Variants in FHIT observed in about 807,000 individuals in gnomAD.
FHIT encodes the protein bis(5'-adenosyl)-triphosphatase.
FHIT carries 19 observed loss-of-function variants against 17.9 expected under a neutral mutation model. The ratio of observed to expected loss-of-function variants is 1.06; its 90% confidence interval spans 0.74 to 1.56. The LOEUF is 1.56. FHIT is among the 40% of genes most tolerant of loss of function. The probability of loss-of-function intolerance (pLI) is 0.00; values close to 1 mark genes in which losing one functional copy is unlikely to be tolerated. For missense variants in FHIT, 248 were observed against 189.2 expected, an observed-to-expected ratio of 1.31 and a Z score of -1.82; for synonymous variants, 81 against 69.7, an observed-to-expected ratio of 1.16 and a Z score of -0.81.
At chr3:60,810,349 T>A (rs1391504447) in intron 4 of FHIT, among the ~76,000 whole-genome samples, 1 of 152,180 alleles carries the variant, frequency 6.6e-6, no homozygotes, top group Non-Finnish European at 1.5e-5. Flanking sequence ...AAAAGCAAAC[T>A]GAAATATTAA....
intron 7 of FHIT, among the ~76,000 whole-genome samples, chr3:59,992,321 T>G (rs1370887258): frequency 6.6e-6 from 1 of 152,048 alleles, no homozygotes; most frequent in Non-Finnish European, 1.5e-5. Context: ...CGTAGTACAT[T>G]TAAGAATTAC....
intron 5 of FHIT, among the ~76,000 whole-genome samples, chr3:60,165,670 A>G (rs1424543539): frequency 6.6e-6 from 1 of 152,200 alleles, no homozygotes; most frequent in Non-Finnish European, 1.5e-5. Context: ...AGCAAAGGGA[A>G]AAAGTACACC....
intron 5 of FHIT, among the ~76,000 whole-genome samples, chr3:60,169,132 C>A (rs1418893620): frequency 1.3e-5 from 2 of 152,188 alleles, no homozygotes; most frequent in Non-Finnish European, 2.9e-5. Context: ...AAAGACTGCT[C>A]AAAATTGTGT....
At chr3:61,161,319 A>G (rs527375523) in intron 2 of FHIT, among the ~76,000 whole-genome samples, 1 of 151,916 alleles carries the variant, frequency 6.6e-6, no homozygotes, top group South Asian at 2.1e-4. Flanking sequence ...CTCTTGCCTC[A>G]GCCTCCCAGG....
chr3:61,107,894 T>G (rs1186859221), intron 2 of FHIT, among the ~76,000 whole-genome samples: 1 of 152,200 alleles, frequency 6.6e-6, no homozygotes, highest in African/African-American at 2.4e-5. Flanking sequence ...GTTCAAACAG[T>G]TGGCTACATT....
At chr3:60,273,611 C>G (rs1706976508) in intron 5 of FHIT, among the ~76,000 whole-genome samples, 1 of 150,666 alleles carries the variant, frequency 6.6e-6, no homozygotes, top group African/African-American at 2.4e-5. Context: ...TCCGTCGTCT[C>G]AAAAAAAAGA....
At chr3:60,637,725 G>C (rs1210272686) in intron 4 of FHIT, among the ~76,000 whole-genome samples, 2 of 152,140 alleles carry the variant, frequency 1.3e-5, no homozygotes, top group Admixed American at 1.3e-4. Flanking sequence ...GTAAAAAATT[G>C]AATTAGGTTA....
chr3:60,949,946 C>T (rs1378003834), intron 3 of FHIT, among the ~76,000 whole-genome samples: 1 of 152,158 alleles, frequency 6.6e-6, no homozygotes, highest in East Asian at 1.9e-4. Flanking sequence ...GGAATACAGT[C>T]ATGCATCACA....
chr3:59,790,527 T>C (rs971038435), intron 8 of FHIT, among the ~76,000 whole-genome samples: 2 of 88,358 alleles, frequency 2.3e-5, no homozygotes, highest in Non-Finnish European at 4.6e-5. Flanking sequence ...TCTCTCTCTC[T>C]CTGTGTGTGT....
chr3:60,159,083 AT>A (rs948784912), intron 5 of FHIT, among the ~76,000 whole-genome samples: 13 of 151,246 alleles, frequency 8.6e-5, no homozygotes, highest in Non-Finnish European at 1.0e-4. Context: ...TTTTCTAATC[AT>A]CCCCCACCAT....
chr3:60,358,356 G>C (rs1327558700), intron 5 of FHIT, among the ~76,000 whole-genome samples: 2 of 152,032 alleles, frequency 1.3e-5, no homozygotes, highest in African/African-American at 4.8e-5. Context: ...TAGGTTCTGT[G>C]AACTTGCCAT....
chr3:60,991,906 C>T (rs576977210), intron 3 of FHIT, among the ~76,000 whole-genome samples: 102 of 152,246 alleles, frequency 6.7e-4, no homozygotes, highest in African/African-American at 2.4e-3. Flanking sequence ...TTATGGGAGA[C>T]AGGATGGAGG....
intron 5 of FHIT, among the ~76,000 whole-genome samples, chr3:60,293,469 C>CTT (rs776210189): frequency 3.3e-5 from 5 of 152,126 alleles, no homozygotes; most frequent in Non-Finnish European, 7.4e-5. Flanking sequence ...TAAGCGTATA[C>CTT]TTTATCGACC....
chr3:60,252,770 C>A (rs1372213089), intron 5 of FHIT, among the ~76,000 whole-genome samples: 5 of 151,894 alleles, frequency 3.3e-5, no homozygotes, highest in Non-Finnish European at 7.4e-5. Flanking sequence ...GCCGGTGGAT[C>A]ACTAGGTCAG....
chr3:60,971,678 G>A (rs1710023314), intron 3 of FHIT, among the ~76,000 whole-genome samples: 1 of 152,046 alleles, frequency 6.6e-6, no homozygotes, highest in Non-Finnish European at 1.5e-5. Flanking sequence ...AGATCTAGAG[G>A]CATGCAGATT....
chr3:60,362,278 A>T (rs1576538922), intron 5 of FHIT, among the ~76,000 whole-genome samples: 1 of 152,308 alleles, frequency 6.6e-6, no homozygotes, highest in East Asian at 1.9e-4. Context: ...CAGTCCTCAC[A>T]TTATACATTT....
intron 5 of FHIT, among the ~76,000 whole-genome samples, chr3:60,173,485 G>GA (rs1248715409): frequency 1.3e-5 from 2 of 151,936 alleles, no homozygotes; most frequent in Non-Finnish European, 2.9e-5. Context: ...TTATTTCAGA[G>GA]AAAAAAAGTA....
chr3:59,993,814 C>T (rs1176015988), intron 7 of FHIT, among the ~76,000 whole-genome samples: 1 of 152,002 alleles, frequency 6.6e-6, no homozygotes, highest in Non-Finnish European at 1.5e-5. Context: ...GTCACTGCTT[C>T]CCTCTGAACC....
At chr3:61,242,647 T>C (rs187670561) in intron 1 of FHIT, among the ~76,000 whole-genome samples, 3 of 152,292 alleles carry the variant, frequency 2.0e-5, no homozygotes, top group African/African-American at 7.2e-5. Flanking sequence ...AGTTTTATTA[T>C]TACTGAGATC....
Sources: gnomAD v4.1 joint callset for allele counts (sites outside exome capture counted in the v4.1 genomes callset) on GRCh38, gnomAD v4.1.1 for gene constraint, MANE v1.5 for transcripts, NCBI Gene and HGNC (gene_info 2026-07-23, HGNC 2026-07-21) for gene names.